The following KCNJ6 variants were observed in gnomAD, a reference collection of about 807,000 sequenced individuals.
KCNJ6 encodes G protein-activated inward rectifier potassium channel 2.
A neutral mutation model predicts 34.2 loss-of-function variants in KCNJ6; 9 were observed. The ratio of observed to expected loss-of-function variants is 0.26; its 90% CI spans 0.16 to 0.46. The LOEUF (loss-of-function observed/expected upper bound fraction) is 0.46. Ranked by LOEUF, KCNJ6 falls within the 20% of genes least tolerant of loss-of-function variation. The pLI, the probability that KCNJ6 is intolerant of heterozygous loss-of-function variation, is 1.00. For missense variants in KCNJ6, 236 were observed against 531.3 expected (o/e 0.44, Z 5.46); for synonymous variants, 196 against 207.1 (o/e 0.95, Z 0.46).
chr21:37,825,031 T>C (rs922415629), intron 2 of KCNJ6, among the ~76,000 whole-genome samples: 2 of 152,138 alleles, frequency 1.3e-5, no homozygotes, highest in Non-Finnish European at 2.9e-5. Context: ...ACTCCTTCCC[T>C]GTGTGTGGTC....
intron 2 of KCNJ6, among the ~76,000 whole-genome samples, chr21:37,797,685 G>T (rs922610097): frequency 6.6e-6 from 1 of 152,082 alleles, no homozygotes; most frequent in African/African-American, 2.4e-5. Flanking sequence ...TCACAACTCG[G>T]GGTTGCCTGT....
intron 3 of KCNJ6, among the ~76,000 whole-genome samples, chr21:37,655,220 TGTGTGAGAGAGAGAGA>T (rs2054455692): frequency 1.3e-3 from 12 of 8,968 alleles, no homozygotes; most frequent in Non-Finnish European, 4.9e-3. Flanking sequence ...TGTGTGTGTG[TGTGTGAGAGAGAGAGA>T]GAGAGAGAGA....
chr21:37,857,289 C>T (rs559136181), intron 1 of KCNJ6, among the ~76,000 whole-genome samples: 1 of 152,286 alleles, frequency 6.6e-6, no homozygotes, highest in African/African-American at 2.4e-5. Context: ...AGAAACGATG[C>T]CTAGCCCCAG....
chr21:37,732,665 C>T (rs531533940), intron 2 of KCNJ6, among the ~76,000 whole-genome samples: 2 of 152,274 alleles, frequency 1.3e-5, no homozygotes, highest in East Asian at 3.9e-4. Flanking sequence ...AATAGTCAAT[C>T]CAAACCCTCA....
intron 1 of KCNJ6, among the ~76,000 whole-genome samples, chr21:37,895,942 T>TGGGAC (rs1224310420): frequency 6.6e-6 from 1 of 152,228 alleles, no homozygotes; most frequent in East Asian, 1.9e-4. Flanking sequence ...TACGCCGTTC[T>TGGGAC]TGGACTGCTA....
At chr21:37,791,821 G>A (rs924958362) in intron 2 of KCNJ6, among the ~76,000 whole-genome samples, 3 of 151,994 alleles carry the variant, frequency 2.0e-5, no homozygotes, top group Admixed American at 6.6e-5. Flanking sequence ...GATGTACATA[G>A]TTTCAGGGCA....
chr21:37,712,935 C>G (rs768816735), intron 3 of KCNJ6, among the ~76,000 whole-genome samples: 4 of 152,008 alleles, frequency 2.6e-5, no homozygotes, highest in Non-Finnish European at 5.9e-5. Flanking sequence ...TTTAAAGCTA[C>G]TTTCCGATTA....
At chr21:37,660,219 C>T (rs1035229412) in intron 3 of KCNJ6, among the ~76,000 whole-genome samples, 8 of 152,208 alleles carry the variant, frequency 5.3e-5, no homozygotes, top group African/African-American at 1.9e-4. Flanking sequence ...TTCCTTTTTT[C>T]TTTCACAACT....
At position 37,728,698 on chromosome 21, in the gene KCNJ6, G is replaced by GTGTATATA. The variant is rs1491321788; in HGVS notation, c.26-13568_26-13567insTATATACA. ...GGTAGGTATGTGTGTGTGTGTGTGT[G>GTGTATATA]TATATATATATATGTTTGAATTGCA... is the stretch of plus-strand genomic sequence containing the variant. On this transcript the variant is annotated intron_variant, in intron 2 of 3. Coordinates refer to ENST00000609713, the MANE Select transcript of KCNJ6 (RefSeq NM_002240.5). Among the ~76,000 whole-genome samples the GTGTATATA allele has an allele frequency of 6.8e-3, 1,017 of 150,298 alleles. 9 individuals carry two copies. The highest frequency in any genetic ancestry group is 0.024 in the African/African-American group (960 of 40,752).
intron 1 of KCNJ6, among the ~76,000 whole-genome samples, chr21:37,899,961 A>G (rs2055808704): frequency 6.6e-6 from 1 of 152,216 alleles, no homozygotes. Context: ...GGTTGGGCAC[A>G]GGTTCTGGCA....
At chr21:37,753,219 T>C (rs1056904775) in intron 2 of KCNJ6, among the ~76,000 whole-genome samples, 1 of 151,922 alleles carries the variant, frequency 6.6e-6, no homozygotes, top group Non-Finnish European at 1.5e-5. Flanking sequence ...ATGCCTAGAG[T>C]GACCAGAAGC....
In KCNJ6 at chr21:37,612,545, G is replaced by A. The variant is rs2054246254; in HGVS notation, c.*12614C>T. ...AGAAAGCTACAGTACTCAAGACGAT[G>A]TGGTGTTGGTGAAGGAATAGACAAA... On this transcript the variant is annotated 3_prime_UTR_variant, in exon 4 of 4. Coordinates refer to ENST00000609713, the MANE Select transcript of KCNJ6 (RefSeq NM_002240.5). 1 of 152,174 alleles carries A rather than the reference G, an allele frequency of 6.6e-6. No individual in the cohort carries two copies. The allele number at this position is 152,174 out of a possible 1,614,324, so 9.4% of individuals were successfully genotyped here. A position where few individuals can be genotyped will look rare whatever the true frequency, so the allele number is the denominator to read the frequency against.
intron 3 of KCNJ6, among the ~76,000 whole-genome samples, chr21:37,644,587 A>G (rs765013190): frequency 2.0e-4 from 31 of 152,220 alleles, no homozygotes; most frequent in African/African-American, 2.7e-4. Flanking sequence ...TTTTAGGTCT[A>G]TGAATCTGAC....
At chr21:37,829,534 G>A (rs144867699) in intron 2 of KCNJ6, among the ~76,000 whole-genome samples, 9 of 152,266 alleles carry the variant, frequency 5.9e-5, no homozygotes, top group African/African-American at 2.2e-4. Context: ...TGGGGGCCAG[G>A]GGGCAGTGAT....
intron 1 of KCNJ6, among the ~76,000 whole-genome samples, chr21:37,892,621 G>A (rs1042425008): frequency 3.9e-5 from 6 of 152,148 alleles, no homozygotes; most frequent in African/African-American, 1.4e-4. Flanking sequence ...GCAACAGGGT[G>A]AAGGCAATGG....
At chr21:37,645,864 C>T (rs1277359896) in intron 3 of KCNJ6, among the ~76,000 whole-genome samples, 1 of 149,270 alleles carries the variant, frequency 6.7e-6, no homozygotes, top group African/African-American at 2.5e-5. Flanking sequence ...GTCCAGTGCA[C>T]AGCCTCTCTT....
chr21:37,893,129 C>T (rs964659264), intron 1 of KCNJ6, among the ~76,000 whole-genome samples: 9 of 151,906 alleles, frequency 5.9e-5, no homozygotes, highest in African/African-American at 1.7e-4. Flanking sequence ...GCTGGGATTA[C>T]AGCCTTGAGC....
intron 3 of KCNJ6, among the ~76,000 whole-genome samples, chr21:37,632,022 A>G (rs1207332521): frequency 6.6e-6 from 1 of 152,092 alleles, no homozygotes; most frequent in East Asian, 1.9e-4. Context: ...GTGTAAAACA[A>G]TGCAGCAGCC....
intron 3 of KCNJ6, among the ~76,000 whole-genome samples, chr21:37,677,594 A>G (rs1204327236): frequency 2.6e-5 from 4 of 151,776 alleles, no homozygotes; most frequent in Non-Finnish European, 5.9e-5. Context: ...GCTGTTTTCC[A>G]TAACATTTTT....
Sources: gnomAD v4.1 joint callset for allele counts (sites outside exome capture counted in the v4.1 genomes callset) on GRCh38, gnomAD v4.1.1 for gene constraint, MANE v1.5 for transcripts, NCBI Gene and HGNC (gene_info 2026-07-23, HGNC 2026-07-21) for gene names.